Variants in DOCK10 observed in about 807,000 individuals in gnomAD.
The protein encoded by DOCK10 is dedicator of cytokinesis 10, also known as dedicator of cytokinesis protein 10.
In DOCK10, 145 loss-of-function variants were observed where a neutral mutation model predicts 280.1. The observed-to-expected ratio is 0.52, with a 90% CI of 0.45 to 0.59. DOCK10 has a LOEUF of 0.59. Among genes scored for constraint, DOCK10 ranks in the 20% least tolerant of loss-of-function variants. The pLI, the probability that DOCK10 is intolerant of heterozygous loss-of-function variation, is 0.00. For synonymous variants in DOCK10, 915 were observed against 942.2 expected (o/e 0.97, Z 0.53); for missense variants, 2,368 against 2,651.7 (o/e 0.89, Z 2.35).
chr2:225,017,416 G>A (rs1321722399), intron 1 of DOCK10, among the ~76,000 whole-genome samples: 2 of 127,198 alleles, frequency 1.6e-5, no homozygotes, highest in Non-Finnish European at 3.4e-5. Flanking sequence ...GAGAGAAAGA[G>A]ACAGACAGAG....
At chr2:224,973,844 C>T (rs1705237934) in intron 1 of DOCK10, among the ~76,000 whole-genome samples, 1 of 152,108 alleles carries the variant, frequency 6.6e-6, no homozygotes, top group Admixed American at 6.5e-5. Context: ...TGACTCAGAC[C>T]CACACACCCT....
At chr2:224,784,041 C>T (rs959953804) in intron 50 of DOCK10, among the ~76,000 whole-genome samples, 1 of 151,984 alleles carries the variant, frequency 6.6e-6, no homozygotes, top group African/African-American at 2.4e-5. Context: ...TGAAGAAAAT[C>T]CTTTGTCATA....
chr2:224,779,252 G>C (rs920487996), intron 50 of DOCK10, among the ~76,000 whole-genome samples: 3 of 146,736 alleles, frequency 2.0e-5, no homozygotes, highest in Non-Finnish European at 4.4e-5. Flanking sequence ...GTCTTGCTCT[G>C]TTGCCCAGGC....
chr2:224,777,023 G>A (rs906906845), intron 51 of DOCK10, among the ~76,000 whole-genome samples: 18 of 152,188 alleles, frequency 1.2e-4, no homozygotes, highest in African/African-American at 4.3e-4. Flanking sequence ...TGAACTGTGA[G>A]CTCCAGAAGG....
At position 224,788,624 on chromosome 2, in the gene DOCK10, A is replaced by C. The variant is rs571433065; in HGVS notation, c.5418+440T>G. ...CCAGAACTATTGCTAAGTAATTCTC[A>C]GTAGAAAGTTTCTTTTTTTAATTAA... On this transcript the variant is annotated intron_variant, in intron 48 of 55. Coordinates refer to ENST00000258390, the MANE Select transcript of DOCK10 (RefSeq NM_014689.3). 1.8e-3 allele frequency among the ~76,000 whole-genome samples: 280 copies of C among 152,278 alleles called. 3 individuals are homozygous for C. The Middle Eastern group carries it at 0.031, about 17-fold the overall frequency.
At chr2:224,908,487 G>C (rs56162773) in intron 3 of DOCK10, among the ~76,000 whole-genome samples, 28,534 of 150,226 alleles carry the variant, frequency 0.19, 2,790 homozygotes, top group African/African-American at 0.21. Flanking sequence ...ATAAGTATTT[G>C]CTTTTATTCT....
At chr2:224,955,660 G>T (rs191928505) in intron 1 of DOCK10, among the ~76,000 whole-genome samples, 4 of 152,320 alleles carry the variant, frequency 2.6e-5, no homozygotes, top group East Asian at 3.9e-4. Flanking sequence ...GAGAATAATG[G>T]TAGGGTCTTG....
In DOCK10 at chr2:224,804,896, A is replaced by G. The variant is rs962162397; in HGVS notation, c.4119-55T>C. 3.4e-5 allele frequency: 45 copies of G among 1,343,128 alleles called. No homozygotes were observed. In the East Asian group the frequency reaches 1.1e-3, roughly 34 times the overall value. 83.2% of individuals were successfully genotyped at this position (1,343,128 alleles called of 1,614,324 possible). On this transcript the variant is annotated intron_variant, in intron 37 of 55. Transcript: ENST00000258390. The stretch of plus-strand genomic sequence containing the variant: ...TTATTCATATTCTTTTATTATACAA[A>G]CTGTTCATCTAAGTATATTGAAAGA...
intron 14 of DOCK10, among the ~76,000 whole-genome samples, chr2:224,858,974 TTG>T (rs1232550682): frequency 6.6e-6 from 1 of 152,138 alleles, no homozygotes; most frequent in Admixed American, 6.5e-5. Context: ...GACATATTTT[TTG>T]TGTGTGTGTG....
intron 55 of DOCK10, among the ~76,000 whole-genome samples, chr2:224,769,875 C>T (rs1184904711): frequency 1.3e-5 from 2 of 152,156 alleles, no homozygotes; most frequent in African/African-American, 4.8e-5. Flanking sequence ...AGGTCCTCAA[C>T]TAGGGATGGC....
chr2:224,765,689 C>G lies in DOCK10; in HGVS notation c.*32G>C. The G allele has an allele frequency of 7.0e-7, 1 of 1,438,054 alleles. No homozygotes were observed. Among genetic ancestry groups the G allele is most frequent in the Non-Finnish European group, 9.7e-7 (1 of 1,031,676 alleles). The allele number at this position is 1,438,054 out of a possible 1,614,324, so 89.1% of individuals were successfully genotyped here. A position where few individuals can be genotyped will look rare whatever the true frequency, so the allele number is the denominator to read the frequency against. The stretch of plus-strand genomic sequence containing the variant: ...AGATTAGCTGCAAATTCAGAAAGTT[C>G]TCTTAGAGGTGGGTCTGATGCTGCA... On this transcript the variant is annotated 3_prime_UTR_variant, in exon 56 of 56. Coordinates refer to ENST00000258390, the MANE Select transcript of DOCK10 (RefSeq NM_014689.3).
chr2:224,778,001 G>A, intron 51 of DOCK10, 137 bp downstream of exon 51: 1 of 843,786 alleles, frequency 1.2e-6, no homozygotes. Flanking sequence ...CAACCAACAG[G>A]CAAACAAGCA....
intron 19 of DOCK10, among the ~76,000 whole-genome samples, chr2:224,846,369 C>A (rs1311424639): frequency 1.3e-5 from 2 of 152,112 alleles, no homozygotes; most frequent in East Asian, 3.8e-4. Context: ...GGACCAGTTG[C>A]ATAAGCATCA....
intron 48 of DOCK10, 135 bp from the exon 49 acceptor site, chr2:224,787,532 G>T: frequency 3.6e-6 from 4 of 1,106,848 alleles, no homozygotes; most frequent in Non-Finnish European, 3.9e-6. Flanking sequence ...AGGGGATCGT[G>T]GTGTCATCTT....
chr2:224,911,928 G>A (rs1454111836), intron 3 of DOCK10, among the ~76,000 whole-genome samples: 1 of 152,116 alleles, frequency 6.6e-6, no homozygotes, highest in Admixed American at 6.5e-5. Context: ...CCCAACAGAT[G>A]GAATCCTAAA....
At chr2:225,014,105 T>G (rs1689527200) in intron 1 of DOCK10, among the ~76,000 whole-genome samples, 3 of 146,328 alleles carry the variant, frequency 2.1e-5, no homozygotes, top group Admixed American at 6.8e-5. Context: ...TTTGTTTTTT[T>G]TTTTAAGAAA....
intron 27 of DOCK10, among the ~76,000 whole-genome samples, chr2:224,825,744 C>G (rs868514535): frequency 1.3e-5 from 2 of 152,078 alleles, no homozygotes; most frequent in Admixed American, 1.3e-4. Flanking sequence ...ACTGTTTTCC[C>G]GAAGTATATC....
chr2:224,767,986 T>C (rs140385423), intron 55 of DOCK10, among the ~76,000 whole-genome samples: 1,978 of 152,242 alleles, frequency 0.013, 19 homozygotes, highest in Non-Finnish European at 0.021. Context: ...TGATCTTGGT[T>C]TACTGCAACC....
intron 1 of DOCK10, among the ~76,000 whole-genome samples, chr2:225,035,550 ATATATATATATATATATATATATAT>A (rs1356143519): frequency 2.3e-4 from 4 of 17,494 alleles, no homozygotes; most frequent in Non-Finnish European, 4.8e-4. Context: ...TATTATATAT[ATATATATATATATATATATATATAT>A]ATATATATAT....
Sources: allele counts gnomAD v4.1 joint callset (sites outside exome capture counted in the v4.1 genomes callset), GRCh38; gene constraint gnomAD v4.1.1; transcripts MANE v1.5; gene names NCBI Gene and HGNC (gene_info 2026-07-23, HGNC 2026-07-21).